The following SLC8A1 variants were observed in gnomAD, a reference collection of about 807,000 sequenced individuals.
SLC8A1 encodes the protein solute carrier family 8 member A1.
In SLC8A1, 18 loss-of-function variants were observed where a neutral mutation model predicts 68.3. The observed-to-expected ratio is 0.26, with a 90% CI of 0.18 to 0.39. The LOEUF (loss-of-function observed/expected upper bound fraction) is 0.39. Among genes scored for constraint, SLC8A1 ranks in the 10% least tolerant of loss-of-function variants. SLC8A1 has a pLI of 1.00. For synonymous variants in SLC8A1, 475 were observed against 415.5 expected, an observed-to-expected ratio of 1.14 and a Z score of -1.74; for missense variants, 985 against 1,156.7, an observed-to-expected ratio of 0.85 and a Z score of 2.15.
intron 2 of SLC8A1, among the ~76,000 whole-genome samples, chr2:40,193,243 A>C (rs1238976556): frequency 1.3e-5 from 2 of 152,196 alleles, no homozygotes; most frequent in African/African-American, 4.8e-5. Context: ...ATCATGAGGA[A>C]GGGCAAGATG....
intron 1 of SLC8A1, among the ~76,000 whole-genome samples, chr2:40,434,985 G>T (rs17026009): frequency 0.049 from 7,480 of 152,218 alleles, 358 homozygotes; most frequent in East Asian, 0.25. Flanking sequence ...TGGCAGCACG[G>T]TGACCATTCC....
chr2:40,237,506 CT>C (rs2060559328), intron 2 of SLC8A1, among the ~76,000 whole-genome samples: 1 of 151,954 alleles, frequency 6.6e-6, no homozygotes, highest in Non-Finnish European at 1.5e-5. Flanking sequence ...ATACATTCTT[CT>C]AAATTTTTTT....
chr2:40,482,134 G>A (rs1422454368), intron 1 of SLC8A1, among the ~76,000 whole-genome samples: 3 of 152,074 alleles, frequency 2.0e-5, no homozygotes, highest in Non-Finnish European at 4.4e-5. Context: ...AAACTTTTAA[G>A]CGTGCAATAA....
intron 1 of SLC8A1, among the ~76,000 whole-genome samples, chr2:40,457,926 C>G (rs929490907): frequency 1.3e-5 from 2 of 152,076 alleles, no homozygotes; most frequent in Non-Finnish European, 2.9e-5. Context: ...AGGGATTTGC[C>G]GAATCCTGGC....
chr2:40,379,093 C>T (rs745800765), intron 2 of SLC8A1, among the ~76,000 whole-genome samples: 16 of 152,198 alleles, frequency 1.1e-4, no homozygotes, highest in East Asian at 3.9e-4. Context: ...ATAATAGATG[C>T]CATTTTAATA....
intron 2 of SLC8A1, among the ~76,000 whole-genome samples, chr2:40,333,131 T>C (rs576541017): frequency 3.3e-5 from 5 of 152,348 alleles, no homozygotes; most frequent in Non-Finnish European, 2.9e-5. Flanking sequence ...AAAATACTTG[T>C]TGCACTCAGT....
At chr2:40,366,588 A>T (rs1244723361) in intron 2 of SLC8A1, among the ~76,000 whole-genome samples, 1 of 152,064 alleles carries the variant, frequency 6.6e-6, no homozygotes, top group Non-Finnish European at 1.5e-5. Context: ...CATTTTATAG[A>T]GGAGGCAACA....
chr2:40,344,810 TAATCTTAA>T (rs1668753963), intron 2 of SLC8A1, among the ~76,000 whole-genome samples: 2 of 152,232 alleles, frequency 1.3e-5, no homozygotes, highest in Non-Finnish European at 2.9e-5. Context: ...ATTCCCAGAC[TAATCTTAA>T]GAATTCATGG....
At chr2:40,472,776 A>G (rs1704065797) in intron 1 of SLC8A1, among the ~76,000 whole-genome samples, 1 of 152,232 alleles carries the variant, frequency 6.6e-6, no homozygotes, top group African/African-American at 2.4e-5. Context: ...ATAACCAATC[A>G]GTGGAATCTA....
At chr2:40,367,441 C>T (rs1676610042) in intron 2 of SLC8A1, among the ~76,000 whole-genome samples, 1 of 152,088 alleles carries the variant, frequency 6.6e-6, no homozygotes, top group South Asian at 2.1e-4. Flanking sequence ...CCTTTTTTCC[C>T]CGACTGAGTT....
In SLC8A1 at chr2:40,216,105, C is replaced by A. The variant is rs540969651; in HGVS notation, c.1809-38250G>T. 1.5e-4 allele frequency among the ~76,000 whole-genome samples: 23 copies of A among 151,608 alleles called. No individual in the cohort carries two copies. The South Asian group carries it at 4.6e-3, about 30-fold the overall frequency. On this transcript the variant is annotated intron_variant, in intron 2 of 7. Coordinates refer to ENST00000406785, the Ensembl canonical transcript of SLC8A1. ...GTTTGTTACATAGGTATACGTGTGC[C>A]ATGGTGGTTTGCTGCACCTGTTGAC... is the stretch of plus-strand genomic sequence containing the variant.
chr2:40,263,152 C>A (rs2064925173), intron 2 of SLC8A1, among the ~76,000 whole-genome samples: 1 of 152,202 alleles, frequency 6.6e-6, no homozygotes, highest in South Asian at 2.1e-4. Flanking sequence ...ATGACTGAAG[C>A]CATGCTCCAC....
chr2:40,284,205 C>G (rs2067921794), intron 2 of SLC8A1, among the ~76,000 whole-genome samples: 1 of 151,360 alleles, frequency 6.6e-6, no homozygotes, highest in Non-Finnish European at 1.5e-5. Context: ...ACCAATATAT[C>G]TCTATAAGTT....
At chr2:40,253,711 C>T (rs1398787783) in intron 2 of SLC8A1, among the ~76,000 whole-genome samples, 2 of 151,552 alleles carry the variant, frequency 1.3e-5, no homozygotes, top group Non-Finnish European at 2.9e-5. Context: ...CTTGTAATCC[C>T]AGCTACTCGG....
rs115805596 is a variant in SLC8A1, at chr2:40,253,128, C to T, written c.1809-75273G>A. Reference sequence around the variant, plus strand: ...ATATATACGTGTATACATATATACACGTATATATGTATATGTATATACATA... The same window carrying T: ...ATATATACGTGTATACATATATACATGTATATATGTATATGTATATACATA... On this transcript the variant is annotated intron_variant, in intron 2 of 7. Transcript: ENST00000406785. Among the ~76,000 whole-genome samples the T allele has an allele frequency of 3.6e-4, 37 of 103,356 alleles. 1 individual carries two copies. Among genetic ancestry groups the T allele is most frequent in the East Asian group, 3.6e-3 (13 of 3,636 alleles). The allele number at this position is 103,356 out of a possible 152,430, so 67.8% of individuals were successfully genotyped here.
chr2:40,175,592 C>G (rs894054048), intron 3 of SLC8A1, among the ~76,000 whole-genome samples: 2 of 151,532 alleles, frequency 1.3e-5, no homozygotes, highest in African/African-American at 2.4e-5. Context: ...ATGTTTATAC[C>G]TAGTATGTAA....
exon 8 of SLC8A1, chr2:40,110,856 G>A (rs2034513238): frequency 6.6e-6 from 1 of 152,258 alleles, no homozygotes; most frequent in Middle Eastern, 3.4e-3. Context: ...TTAGAGGATG[G>A]AGGGCATCAT....
At chr2:40,465,057 C>T (rs1205472317) in intron 1 of SLC8A1, among the ~76,000 whole-genome samples, 1 of 152,160 alleles carries the variant, frequency 6.6e-6, no homozygotes, top group Non-Finnish European at 1.5e-5. Flanking sequence ...TAATATCTCT[C>T]TTCTTTGCAA....
chr2:40,499,378 A>AT (rs1237724100), intron 1 of SLC8A1, among the ~76,000 whole-genome samples: 2 of 152,064 alleles, frequency 1.3e-5, no homozygotes, highest in Non-Finnish European at 2.9e-5. Flanking sequence ...TCATAAGGTT[A>AT]TTGTTAGGAT....
Sources: gnomAD v4.1 joint callset for allele counts (sites outside exome capture counted in the v4.1 genomes callset) on GRCh38, gnomAD v4.1.1 for gene constraint, MANE v1.5 for transcripts, NCBI Gene and HGNC (gene_info 2026-07-23, HGNC 2026-07-21) for gene names.